Variants in DLGAP2 observed in about 807,000 individuals in gnomAD.
The protein encoded by DLGAP2 is disks large-associated protein 2.
In DLGAP2, 26 loss-of-function variants were observed where a neutral mutation model predicts 100.3. That is an observed-to-expected ratio of 0.26 (90% confidence interval 0.19 to 0.36). DLGAP2 has a LOEUF of 0.36. Ranked by LOEUF, DLGAP2 falls within the 10% of genes least tolerant of loss-of-function variation. The pLI, the probability that DLGAP2 is intolerant of heterozygous loss-of-function variation, is 1.00. For synonymous variants in DLGAP2, 886 were observed against 630.1 expected (o/e 1.41, Z -6.08); for missense variants, 1,858 against 1,453.2 (o/e 1.28, Z -4.53).
At chr8:1,643,498 T>C (rs1275946884) in intron 8 of DLGAP2, among the ~76,000 whole-genome samples, 40 of 15,684 alleles carry the variant, frequency 2.6e-3, no homozygotes, top group East Asian at 0.02. Context: ...AACCCGCCGG[T>C]CCTCACCTGT....
intron 2 of DLGAP2, among the ~76,000 whole-genome samples, chr8:1,140,737 T>C (rs553520445): frequency 2.6e-4 from 39 of 152,274 alleles, no homozygotes; most frequent in Admixed American, 4.6e-4. Flanking sequence ...TTTGGGAGGC[T>C]GAGGTGGGCA....
intron 2 of DLGAP2, among the ~76,000 whole-genome samples, chr8:1,107,609 A>G (rs1563196112): frequency 6.6e-6 from 1 of 152,200 alleles, no homozygotes. Context: ...CGAGAATCCT[A>G]GGAGAATGGG....
intron 12 of DLGAP2, among the ~76,000 whole-genome samples, chr8:1,690,484 C>T (rs1724822893): frequency 6.6e-6 from 1 of 151,374 alleles, no homozygotes; most frequent in African/African-American, 2.4e-5. Flanking sequence ...ATGGGTGGAT[C>T]ACCTGAGGTC....
intron 3 of DLGAP2, among the ~76,000 whole-genome samples, chr8:1,434,131 GC>G (rs1797547227): frequency 6.6e-6 from 1 of 152,164 alleles, no homozygotes; most frequent in Non-Finnish European, 1.5e-5. Context: ...TGGCCGCAGG[GC>G]TGAGGGTTTC....
intron 2 of DLGAP2, among the ~76,000 whole-genome samples, chr8:929,706 C>T (rs1798912555): frequency 7.5e-6 from 1 of 133,536 alleles, no homozygotes; most frequent in African/African-American, 2.9e-5. Flanking sequence ...ACATCCCACA[C>T]CGCGGTACTC....
At chr8:856,122 A>C (rs1797271184) in intron 1 of DLGAP2, among the ~76,000 whole-genome samples, 1 of 151,340 alleles carries the variant, frequency 6.6e-6, no homozygotes, top group South Asian at 2.1e-4. Flanking sequence ...TTGTCAACAG[A>C]TGACATGATT....
intron 1 of DLGAP2, among the ~76,000 whole-genome samples, chr8:789,416 C>A (rs1821965499): frequency 6.6e-6 from 1 of 152,144 alleles, no homozygotes; most frequent in Non-Finnish European, 1.5e-5. Context: ...AGAACTCACT[C>A]ACTATCACAA....
At chr8:1,386,439 C>T (rs1425833726) in intron 3 of DLGAP2, among the ~76,000 whole-genome samples, 1 of 152,174 alleles carries the variant, frequency 6.6e-6, no homozygotes, top group Non-Finnish European at 1.5e-5. Flanking sequence ...CAGATGGCTT[C>T]CATCTTCTCC....
At chr8:1,384,064 G>C (rs1381548479) in intron 3 of DLGAP2, among the ~76,000 whole-genome samples, 3 of 152,192 alleles carry the variant, frequency 2.0e-5, no homozygotes, top group Non-Finnish European at 1.5e-5. Context: ...TTCAGACGTT[G>C]GGAAACAGTA....
rs181111386 is a variant in DLGAP2 at position 1,467,775 on chromosome 8, G to A, written c.107-33591G>A. On this transcript the variant is annotated intron_variant, in intron 3 of 14. Transcript: ENST00000637795. ...GGGGCAGAGTGGCAGAGACCACCGTGGTTCTCAAACTGTGTCCCACAGTGC... is the reference window on the plus strand; with the variant it reads ...GGGGCAGAGTGGCAGAGACCACCGTAGTTCTCAAACTGTGTCCCACAGTGC... 8.8e-4 allele frequency among the ~76,000 whole-genome samples: 134 copies of A among 152,284 alleles called. 2 individuals carry two copies. In the East Asian group the frequency reaches 0.018, roughly 21 times the overall value.
At chr8:1,419,203 TGC>T (rs1371529966) in intron 3 of DLGAP2, among the ~76,000 whole-genome samples, 700 of 30,322 alleles carry the variant, frequency 0.023, 12 homozygotes, top group East Asian at 0.17. Context: ...CTCTGATGCG[TGC>T]GTGTGTGTGT....
chr8:1,460,733 T>G (rs760905214), intron 3 of DLGAP2, among the ~76,000 whole-genome samples: 2 of 152,236 alleles, frequency 1.3e-5, no homozygotes, highest in African/African-American at 2.4e-5. Context: ...TGGCACAGTC[T>G]CTTTGGAGAC....
chr8:1,701,172 T>C lies in DLGAP2; in HGVS notation c.2950-16T>C. 6.4e-7 allele frequency: 1 copy of C among 1,551,340 alleles called. No individual in the cohort carries two copies. The highest frequency in any genetic ancestry group is 8.7e-7 in the Non-Finnish European group (1 of 1,148,080). ...CCTCCGAGCACCTGCCAACGGTGAC[T>C]TGCGCTGCTTTTCAGGAAGAAAGAA... On this transcript the variant is annotated splice_polypyrimidine_tract_variant and intron_variant, in intron 14 of 14. Transcript: ENST00000637795.
intron 2 of DLGAP2, among the ~76,000 whole-genome samples, chr8:1,090,976 T>C (rs997642446): frequency 2.0e-5 from 3 of 152,214 alleles, no homozygotes; most frequent in African/African-American, 7.2e-5. Flanking sequence ...CTTCCATTCT[T>C]TGGAATTCTA....
chr8:1,345,755 G>T (rs1801540139), intron 3 of DLGAP2, among the ~76,000 whole-genome samples: 1 of 152,208 alleles, frequency 6.6e-6, no homozygotes, highest in African/African-American at 2.4e-5. Flanking sequence ...ACAAGTTATT[G>T]AAACTTTCTA....
chr8:1,147,107 C>G (rs1228475263), intron 2 of DLGAP2, among the ~76,000 whole-genome samples: 1 of 152,178 alleles, frequency 6.6e-6, no homozygotes, highest in Non-Finnish European at 1.5e-5. Context: ...TTGAGTCTTT[C>G]AAATGCATTG....
At chr8:1,496,944 C>A (rs1456430386) in intron 3 of DLGAP2, among the ~76,000 whole-genome samples, 1 of 152,038 alleles carries the variant, frequency 6.6e-6, no homozygotes, top group South Asian at 2.1e-4. Flanking sequence ...TCCAGTCACA[C>A]GTTGTGGAGT....
At chr8:1,198,102 G>A (rs953050471) in intron 2 of DLGAP2, among the ~76,000 whole-genome samples, 4 of 151,808 alleles carry the variant, frequency 2.6e-5, no homozygotes, top group African/African-American at 7.3e-5. Context: ...CTGTGTGTGT[G>A]TGTGTACGTG....
At chr8:1,432,607 A>G (rs911350866) in intron 3 of DLGAP2, among the ~76,000 whole-genome samples, 20 of 152,236 alleles carry the variant, frequency 1.3e-4, no homozygotes, top group African/African-American at 4.8e-4. Flanking sequence ...TAGAAAGTCA[A>G]GGCCTTTTAA....
Sources: allele counts gnomAD v4.1 joint callset (sites outside exome capture counted in the v4.1 genomes callset), GRCh38; gene constraint gnomAD v4.1.1; transcripts MANE v1.5; gene names NCBI Gene and HGNC (gene_info 2026-07-23, HGNC 2026-07-21).